Variants in KIAA1217 observed in about 807,000 individuals in gnomAD.
The protein encoded by KIAA1217 is KIAA1217, also known as sickle tail protein homolog.
In KIAA1217, 88 loss-of-function variants were observed where a neutral mutation model predicts 163.9. That is an observed-to-expected ratio of 0.54 (90% confidence interval 0.45 to 0.64). KIAA1217 has a LOEUF of 0.64. Ranked by LOEUF, KIAA1217 falls within the 30% of genes least tolerant of loss-of-function variation. The probability of loss-of-function intolerance (pLI) is 0.00; values close to 1 mark genes in which losing one functional copy is unlikely to be tolerated. For missense variants in KIAA1217, 2,372 were observed against 2,475.0 expected (o/e 0.96, Z 0.88); for synonymous variants, 903 against 923.1 (o/e 0.98, Z 0.39).
At chr10:24,319,847 G>A (rs1046847869) in intron 2 of KIAA1217, among the ~76,000 whole-genome samples, 2 of 152,188 alleles carry the variant, frequency 1.3e-5, no homozygotes, top group Admixed American at 6.5e-5. Flanking sequence ...AGCACTTTAA[G>A]CCTCTTGACA....
At chr10:23,921,498 AG>A (rs1357168194) in intron 1 of KIAA1217, among the ~76,000 whole-genome samples, 1 of 152,168 alleles carries the variant, frequency 6.6e-6, no homozygotes, top group African/African-American at 2.4e-5. Flanking sequence ...CTGATATTTT[AG>A]GGCCAGTGCA....
At chr10:24,464,428 G>T (rs2062736921) in intron 5 of KIAA1217, among the ~76,000 whole-genome samples, 1 of 152,164 alleles carries the variant, frequency 6.6e-6, no homozygotes. Flanking sequence ...TTGTAACAGG[G>T]TCAACAGAAG....
intron 2 of KIAA1217, among the ~76,000 whole-genome samples, chr10:24,111,114 T>C (rs2062827667): frequency 6.6e-6 from 1 of 152,226 alleles, no homozygotes; most frequent in Non-Finnish European, 1.5e-5. Context: ...AATACAATTC[T>C]TATACATTAT....
Position 24,397,908 on chromosome 10 carries a change from G to T in KIAA1217, c.553+16841G>T, listed in dbSNP as rs565336430. 1.1e-4 allele frequency among the ~76,000 whole-genome samples: 16 copies of T among 152,278 alleles called. No homozygotes were observed. In the South Asian group the frequency reaches 3.1e-3, roughly 30 times the overall value. ...CGGAAGCAGCCAGTAGAGTAATCAG[G>T]ATCATCTCATCTGGGTTCCTTTACT... On this transcript the variant is annotated intron_variant, in intron 3 of 20. Transcript: ENST00000376454.
intron 1 of KIAA1217, among the ~76,000 whole-genome samples, chr10:23,818,070 T>TACAC (rs376425958): frequency 0.048 from 5,975 of 124,210 alleles, 767 homozygotes; most frequent in African/African-American, 0.19. Context: ...CATATATATA[T>TACAC]ACACACACAC....
chr10:24,215,559 G>T (rs1418064031), intron 1 of KIAA1217, among the ~76,000 whole-genome samples: 1 of 152,182 alleles, frequency 6.6e-6, no homozygotes, highest in Admixed American at 6.5e-5. Flanking sequence ...TGACAACATG[G>T]CTGTGGAATT....
At chr10:23,802,289 C>G (rs1470109739) in intron 1 of KIAA1217, among the ~76,000 whole-genome samples, 1 of 152,168 alleles carries the variant, frequency 6.6e-6, no homozygotes, top group Non-Finnish European at 1.5e-5. Flanking sequence ...TCTACGGTGT[C>G]TGTTCCAACA....
chr10:23,712,570 T>G (rs1457854506), intron 1 of KIAA1217, among the ~76,000 whole-genome samples: 1 of 152,264 alleles, frequency 6.6e-6, no homozygotes, highest in East Asian at 1.9e-4. Flanking sequence ...GGTATCTATT[T>G]TGAACCTGCT....
At chr10:24,287,854 G>A (rs2078701058) in intron 2 of KIAA1217, among the ~76,000 whole-genome samples, 1 of 152,180 alleles carries the variant, frequency 6.6e-6, no homozygotes, top group Non-Finnish European at 1.5e-5. Context: ...TCATCAAACT[G>A]TTTAGAATTC....
chr10:23,884,705 G>A (rs1321466378), intron 1 of KIAA1217, among the ~76,000 whole-genome samples: 1 of 151,944 alleles, frequency 6.6e-6, no homozygotes, highest in Non-Finnish European at 1.5e-5. Context: ...TGCTTTTCCA[G>A]TTGCCTCTCT....
intron 1 of KIAA1217, among the ~76,000 whole-genome samples, chr10:23,795,443 A>C (rs190332283): frequency 4.2e-4 from 64 of 152,332 alleles, no homozygotes; most frequent in African/African-American, 1.3e-3. Flanking sequence ...CAAAGCAAAG[A>C]AAATGGGCTG....
intron 3 of KIAA1217, among the ~76,000 whole-genome samples, chr10:24,384,034 T>C (rs6482388): frequency 0.52 from 78,554 of 152,048 alleles, 22,882 homozygotes; most frequent in African/African-American, 0.8. Flanking sequence ...GCCCCGGCCA[T>C]GAGCAGGGTG....
intron 2 of KIAA1217, among the ~76,000 whole-genome samples, chr10:24,164,016 T>C (rs1488535613): frequency 6.6e-6 from 1 of 152,118 alleles, no homozygotes. Flanking sequence ...ATTAGTTTAA[T>C]TAAATAAAAA....
chr10:24,368,939 A>G (rs923245219), intron 2 of KIAA1217: 1 of 798,516 alleles, frequency 1.3e-6, no homozygotes, highest in African/African-American at 1.9e-5. Context: ...TCAAGTAGAT[A>G]TTCTGATTAT....
Position 24,398,452 on chromosome 10 carries a change from A to G in KIAA1217, c.553+17385A>G, listed in dbSNP as rs191111450. 9.0e-4 allele frequency among the ~76,000 whole-genome samples: 137 copies of G among 152,322 alleles called. 1 individual carries two copies. The highest frequency in any genetic ancestry group is 3.4e-3 in the Middle Eastern group (1 of 294). On this transcript the variant is annotated intron_variant, in intron 3 of 20. Coordinates refer to ENST00000376454, the MANE Select transcript of KIAA1217 (RefSeq NM_019590.5). The stretch of plus-strand genomic sequence containing the variant: ...TATGTACAGGTCTGCAGCAATCTCA[A>G]TTCTTGCCTCCTCAGAAGAAACAAT...
chr10:24,342,022 C>G (rs897879652), intron 2 of KIAA1217, among the ~76,000 whole-genome samples: 4 of 152,204 alleles, frequency 2.6e-5, no homozygotes, highest in Admixed American at 6.5e-5. Flanking sequence ...ACTGTCCTTG[C>G]TAGCATGAAA....
chr10:24,280,407 G>A (rs2077772272), intron 2 of KIAA1217, among the ~76,000 whole-genome samples: 1 of 152,170 alleles, frequency 6.6e-6, no homozygotes, highest in South Asian at 2.1e-4. Flanking sequence ...AAGTGAAAGG[G>A]TGCTATAAAG....
At chr10:23,927,361 G>GT (rs1465506268) in intron 1 of KIAA1217, among the ~76,000 whole-genome samples, 1 of 105,848 alleles carries the variant, frequency 9.4e-6, no homozygotes, top group African/African-American at 5.5e-5. Context: ...TGTGTGTGTG[G>GT]CCAAATGTTT....
chr10:24,411,206 T>A (rs35832044), intron 3 of KIAA1217, among the ~76,000 whole-genome samples: 21,144 of 152,198 alleles, frequency 0.14, 1,532 homozygotes, highest in East Asian at 0.18. Flanking sequence ...TGCTATTCAG[T>A]TGGACAGGTT....
Sources: allele counts gnomAD v4.1 joint callset (sites outside exome capture counted in the v4.1 genomes callset), GRCh38; gene constraint gnomAD v4.1.1; transcripts MANE v1.5; gene names NCBI Gene and HGNC (gene_info 2026-07-23, HGNC 2026-07-21).